CPSF6: variants seen among roughly 807,000 people sequenced by gnomAD.
CPSF6 encodes cleavage and polyadenylation specificity factor subunit 6.
Under a neutral mutation model 56.7 loss-of-function variants are expected in CPSF6, and 10 were observed. That is an observed-to-expected ratio of 0.18 (90% CI 0.11 to 0.30). The LOEUF (loss-of-function observed/expected upper bound fraction) is 0.30. Ranked by LOEUF, CPSF6 falls within the 10% of genes least tolerant of loss-of-function variation. The pLI, the probability that CPSF6 is intolerant of heterozygous loss-of-function variation, is 1.00. For synonymous variants in CPSF6, 248 were observed against 244.8 expected (o/e 1.01, Z -0.12); for missense variants, 419 against 722.9 (o/e 0.58, Z 4.82).
In CPSF6 at chr12:69,240,221, G is replaced by A. The variant is rs571608062; in HGVS notation, c.60+515G>A. ...TTTGTCTCCCTGCCCGCGCACTGTC[G>A]CCTCATGGAAGGCCGCGTTCACGGC... On this transcript the variant is annotated intron_variant, in intron 1 of 9. Coordinates refer to ENST00000435070, the MANE Select transcript of CPSF6 (RefSeq NM_007007.3). 7.2e-5 allele frequency among the ~76,000 whole-genome samples: 11 copies of A among 152,240 alleles called. No individual in the cohort carries two copies. The East Asian group carries it at 2.1e-3, about 29-fold the overall frequency.
chr12:69,250,635 C>T (rs1328676988), intron 1 of CPSF6, among the ~76,000 whole-genome samples: 1 of 104,946 alleles, frequency 9.5e-6, no homozygotes, highest in Non-Finnish European at 1.8e-5. Context: ...ATAAAGGAAA[C>T]CCCCTTTTTT....
chr12:69,261,973 T>C (rs765616369), intron 8 of CPSF6, among the ~76,000 whole-genome samples: 4 of 152,128 alleles, frequency 2.6e-5, no homozygotes, highest in Non-Finnish European at 5.9e-5. Context: ...TTAAGCCCCA[T>C]TGTGTGTTGT....
At chr12:69,263,151 A>G (rs975659116) in intron 9 of CPSF6, among the ~76,000 whole-genome samples, 12 of 152,182 alleles carry the variant, frequency 7.9e-5, no homozygotes, top group African/African-American at 2.9e-4. Flanking sequence ...TTTTAAAAGA[A>G]ACAGTATCCT....
In CPSF6 at chr12:69,244,780, G is replaced by C. The variant is rs116119512; in HGVS notation, c.60+5074G>C. ...CAGGGTCAGGATTATCAATATCACT[G>C]TCTTCCATCTCTGCATCTTGTCCCA... On this transcript the variant is annotated intron_variant, in intron 1 of 9. Coordinates refer to ENST00000435070, the MANE Select transcript of CPSF6 (RefSeq NM_007007.3). Among the ~76,000 whole-genome samples the C allele has an allele frequency of 3.4e-3, 513 of 151,898 alleles. 1 individual carries two copies. Among genetic ancestry groups the C allele is most frequent in the African/African-American group, 0.012 (484 of 41,432 alleles).
At chr12:69,251,485 A>G (rs531006142) in intron 2 of CPSF6, 147 bp downstream of exon 2, 10 of 534,584 alleles carry the variant, frequency 1.9e-5, no homozygotes, top group East Asian at 6.4e-5. Flanking sequence ...GGGAAATACA[A>G]ATATCTTTGC....
intron 3 of CPSF6, 122 bp downstream of exon 3, chr12:69,253,276 T>A (rs1385079057): frequency 6.1e-6 from 3 of 492,982 alleles, no homozygotes; most frequent in Non-Finnish European, 1.1e-5. Flanking sequence ...AACACATGAT[T>A]GTTTACATTG....
In CPSF6 at chr12:69,251,167, T is replaced by C; in HGVS notation, c.99T>C (p.Tyr33=). ...EYGGHDQIDL[Y]DDVISPSANN... is the part of the protein sequence containing the mutation. ...GTGGGCATGATCAGATAGATTTGTATGACGATGTCATATCTCCATCTGCAA... is the reference window on the plus strand; with the variant it reads ...GTGGGCATGATCAGATAGATTTGTACGACGATGTCATATCTCCATCTGCAA... Residue 33 remains tyrosine, a synonymous_variant, in exon 2 of 10, where the codon TAT becomes TAC. Coordinates refer to ENST00000435070, the MANE Select transcript of CPSF6 (RefSeq NM_007007.3). 1 of 1,612,834 alleles carries C rather than the reference T, an allele frequency of 6.2e-7. No individual in the cohort carries two copies. The highest frequency in any genetic ancestry group is 1.7e-5 in the Admixed American group (1 of 60,020).
chr12:69,254,190 A>AT (rs1872389821), intron 3 of CPSF6, among the ~76,000 whole-genome samples: 1 of 152,010 alleles, frequency 6.6e-6, no homozygotes, highest in Non-Finnish European at 1.5e-5. Context: ...TTCTAAAAAA[A>AT]AAATGACATT....
At chr12:69,259,301 T>C in intron 6 of CPSF6, 127 bp from the exon 7 acceptor site, 3 of 1,309,200 alleles carry the variant, frequency 2.3e-6, no homozygotes, top group Non-Finnish European at 3.1e-6. Context: ...CATGCTTCAA[T>C]ATGGAAAAGT....
Position 69,258,333 on chromosome 12 carries a change from A to G in CPSF6, c.695-257A>G, listed in dbSNP as rs1369401010. 2 of 588,196 alleles carry G rather than the reference A, an allele frequency of 3.4e-6. No homozygotes were observed. Among genetic ancestry groups the G allele is most frequent in the Non-Finnish European group, 5.8e-6 (2 of 344,848 alleles). 36.4% of individuals were successfully genotyped at this position (588,196 alleles called of 1,614,324 possible). ...GTGTGTGTACACGGAAAGATGGAAA[A>G]TATCTCTAGGCATTGTAATATTTTT... is the stretch of plus-strand genomic sequence containing the variant. On this transcript the variant is annotated intron_variant, in intron 5 of 9. Coordinates refer to ENST00000435070, the MANE Select transcript of CPSF6 (RefSeq NM_007007.3). This position sits in a 1 kb window ranked among gnomAD's most constrained non-coding sequence, Gnocchi z 4.2.
intron 1 of CPSF6, among the ~76,000 whole-genome samples, chr12:69,245,818 G>A (rs924758763): frequency 6.6e-6 from 1 of 152,178 alleles, no homozygotes. Context: ...AGGTGCGGTG[G>A]CTCATGCCTA....
intron 1 of CPSF6, among the ~76,000 whole-genome samples, chr12:69,240,768 C>T (rs1871577017): frequency 7.3e-6 from 1 of 137,410 alleles, no homozygotes; most frequent in Non-Finnish European, 1.5e-5. Context: ...AACGACGTTG[C>T]TTAGAGGTAA....
chr12:69,250,931 C>T (rs1442145797), intron 1 of CPSF6, among the ~76,000 whole-genome samples, 198 bp from the exon 2 acceptor site: 1 of 152,154 alleles, frequency 6.6e-6, no homozygotes, highest in East Asian at 1.9e-4. Flanking sequence ...CAGGTGTGAG[C>T]CACCACTCCC....
chr12:69,273,036 ACATATG>A lies in CPSF6; in HGVS notation c.*3529_*3534del, dbSNP rs1873324832. On this transcript the variant is annotated 3_prime_UTR_variant, in exon 10 of 10. Coordinates refer to ENST00000435070, the MANE Select transcript of CPSF6 (RefSeq NM_007007.3). ...TATAAATTTATTAAGATGTGGCCTT[ACATATG>A]GCATTCCTTGTGTTCGTAATGTGAG... 3.1e-5 allele frequency: 8 copies of A among 254,392 alleles called. No individual in the cohort carries two copies. The highest frequency in any genetic ancestry group is 2.4e-4 in the Admixed American group (5 of 20,512). 15.8% of individuals were successfully genotyped at this position (254,392 alleles called of 1,614,324 possible). A position where few individuals can be genotyped will look rare whatever the true frequency, so the allele number is the denominator to read the frequency against.
At chr12:69,268,886 A>G (rs1353654706) in intron 9 of CPSF6, among the ~76,000 whole-genome samples, 1 of 151,842 alleles carries the variant, frequency 6.6e-6, no homozygotes, top group Non-Finnish European at 1.5e-5. Flanking sequence ...GACTAAAAGT[A>G]AAGTAAATGT....
chr12:69,255,534 C>G (rs1872465289), intron 3 of CPSF6, among the ~76,000 whole-genome samples: 1 of 151,924 alleles, frequency 6.6e-6, no homozygotes, highest in Non-Finnish European at 1.5e-5. Context: ...AGTTTCTCCA[C>G]ATATTTATTT....
intron 3 of CPSF6, among the ~76,000 whole-genome samples, chr12:69,254,323 A>G (rs750705070): frequency 6.6e-6 from 1 of 152,154 alleles, no homozygotes; most frequent in Non-Finnish European, 1.5e-5. Flanking sequence ...CAGCCACATT[A>G]GTCTCTTTGC....
At chr12:69,250,978 C>T (rs1245451543) in intron 1 of CPSF6, 151 bp from the exon 2 acceptor site, 3 of 746,734 alleles carry the variant, frequency 4.0e-6, no homozygotes, top group Non-Finnish European at 4.2e-6. Flanking sequence ...TTCAAGAATA[C>T]ATCTATTGCA....
At chr12:69,263,413 ATTTT>A (rs1872834730) in intron 9 of CPSF6, among the ~76,000 whole-genome samples, 1 of 151,920 alleles carries the variant, frequency 6.6e-6, no homozygotes, top group South Asian at 2.1e-4. Flanking sequence ...ATGTAATTTT[ATTTT>A]TTATATTTGT....
Sources: gnomAD v4.1 joint callset for allele counts (sites outside exome capture counted in the v4.1 genomes callset) on GRCh38, gnomAD v4.1.1 for gene constraint, Gnocchi (gnomAD v3.1) non-coding constraint, MANE v1.5 for transcripts, NCBI Gene and HGNC (gene_info 2026-07-23, HGNC 2026-07-21) for gene names.